FAM174B: variants seen among roughly 807,000 people sequenced by gnomAD.
The protein encoded by FAM174B is membrane protein FAM174B.
Under a neutral mutation model 10.9 loss-of-function variants are expected in FAM174B, and 12 were observed. The observed-to-expected ratio is 1.10, with a 90% CI of 0.71 to 1.79. FAM174B has a LOEUF of 1.79. FAM174B is among the 40% of genes most tolerant of loss of function. FAM174B has a pLI of 0.00. For missense variants in FAM174B, 266 were observed against 233.3 expected (o/e 1.14, Z -0.91); for synonymous variants, 132 against 115.8 (o/e 1.14, Z -0.90).
intron 1 of FAM174B, among the ~76,000 whole-genome samples, chr15:92,647,485 C>T (rs1387230437): frequency 6.6e-6 from 1 of 152,102 alleles, no homozygotes; most frequent in Admixed American, 6.5e-5. Flanking sequence ...GCCAAGAGGA[C>T]CCCAGAGAAA....
intron 1 of FAM174B, among the ~76,000 whole-genome samples, chr15:92,651,479 GAC>G (rs1402557000): frequency 1.3e-5 from 2 of 152,174 alleles, no homozygotes; most frequent in South Asian, 2.1e-4. Flanking sequence ...CACATGCACA[GAC>G]ACACAGATTT....
chr15:92,626,472 T>A (rs2050753923), intron 2 of FAM174B, among the ~76,000 whole-genome samples: 1 of 152,160 alleles, frequency 6.6e-6, no homozygotes, highest in Admixed American at 6.5e-5. Context: ...AAAAATAATA[T>A]TTTTTAAGAG....
intron 1 of FAM174B, among the ~76,000 whole-genome samples, chr15:92,648,607 C>T (rs2050944327): frequency 6.6e-6 from 1 of 152,152 alleles, no homozygotes; most frequent in Non-Finnish European, 1.5e-5. Flanking sequence ...CACCAAGCCT[C>T]CCCACTCTGG....
At chr15:92,646,151 C>G (rs1464402515) in intron 1 of FAM174B, among the ~76,000 whole-genome samples, 1 of 152,144 alleles carries the variant, frequency 6.6e-6, no homozygotes, top group Non-Finnish European at 1.5e-5. Context: ...ACATCCTGCA[C>G]CCCCCACACC....
intron 2 of FAM174B, among the ~76,000 whole-genome samples, chr15:92,629,256 C>T (rs570216843): frequency 4.5e-4 from 68 of 152,320 alleles, no homozygotes; most frequent in South Asian, 2.3e-3. Context: ...TTCGAGCCCT[C>T]GTCTCAAAAC....
intron 2 of FAM174B, among the ~76,000 whole-genome samples, chr15:92,622,843 G>A (rs1398620499): frequency 6.6e-6 from 1 of 152,202 alleles, no homozygotes; most frequent in Non-Finnish European, 1.5e-5. Flanking sequence ...CTCTGTGAGA[G>A]GGCTTGCCAG....
chr15:92,643,195 T>C (rs1290707521), intron 1 of FAM174B, among the ~76,000 whole-genome samples: 2 of 151,954 alleles, frequency 1.3e-5, no homozygotes, highest in Non-Finnish European at 2.9e-5. Flanking sequence ...TCCAAACTCC[T>C]GGCATCAAGC....
rs1405762404 is a variant in FAM174B at position 92,617,801 on chromosome 15, A to C, written c.*1655T>G. The C allele has an allele frequency of 1.9e-6, 1 of 521,554 alleles. No individual in the cohort carries two copies. Among genetic ancestry groups the C allele is most frequent in the Non-Finnish European group, 3.4e-6 (1 of 296,628 alleles). 32.3% of individuals were successfully genotyped at this position (521,554 alleles called of 1,614,324 possible). Reference sequence around the variant, plus strand: ...CCAGTCCCACCCCTCTGGCAAACAGATGGGGGAAAACAGAGAAGGAAAGTC... The same window carrying C: ...CCAGTCCCACCCCTCTGGCAAACAGCTGGGGGAAAACAGAGAAGGAAAGTC... On this transcript the variant is annotated 3_prime_UTR_variant, in exon 3 of 3. Coordinates refer to ENST00000327355, the MANE Select transcript of FAM174B (RefSeq NM_207446.3).
intron 1 of FAM174B, chr15:92,645,622 T>C (rs1262375568): frequency 1.3e-5 from 2 of 152,212 alleles, no homozygotes; most frequent in Non-Finnish European, 2.9e-5. Flanking sequence ...TGCTTTGTTT[T>C]TATATAAGGG....
intron 1 of FAM174B, among the ~76,000 whole-genome samples, chr15:92,644,850 C>G (rs895880646): frequency 6.6e-6 from 1 of 152,184 alleles, no homozygotes; most frequent in Non-Finnish European, 1.5e-5. Flanking sequence ...CCCGGCTGCC[C>G]CGGAACAGAG....
chr15:92,631,406 T>TA (rs2050814069), intron 1 of FAM174B, among the ~76,000 whole-genome samples: 2 of 40,038 alleles, frequency 5.0e-5, no homozygotes, highest in Admixed American at 4.3e-4. Flanking sequence ...TATATTATAT[T>TA]ATATATAATA....
chr15:92,620,267 G>A (rs1021378780), intron 2 of FAM174B, among the ~76,000 whole-genome samples: 1 of 152,222 alleles, frequency 6.6e-6, no homozygotes, highest in African/African-American at 2.4e-5. Context: ...GGGAGGCCGA[G>A]GCGGATGGAT....
In FAM174B at chr15:92,649,189, T is replaced by C. The variant is rs533419408; in HGVS notation, c.344+6127A>G. ...CATGGGCATGAAAGTCTATGGGTAA[T>C]GCCATATAAGTCAGGAGGCTCAGGC... is the stretch of plus-strand genomic sequence containing the variant. On this transcript the variant is annotated intron_variant, in intron 1 of 2. Coordinates refer to ENST00000327355, the MANE Select transcript of FAM174B (RefSeq NM_207446.3). 5.9e-5 allele frequency among the ~76,000 whole-genome samples: 9 copies of C among 152,352 alleles called. No individual in the cohort carries two copies. The East Asian group carries it at 1.2e-3, about 20-fold the overall frequency.
chr15:92,626,778 C>A (rs958806868), intron 2 of FAM174B, among the ~76,000 whole-genome samples: 1 of 152,214 alleles, frequency 6.6e-6, no homozygotes, highest in Middle Eastern at 3.4e-3. Context: ...GCTGGCCGGG[C>A]GCCATGGCTC....
intron 1 of FAM174B, 165 bp downstream of exon 1, chr15:92,655,151 C>T: frequency 1.0e-6 from 1 of 969,794 alleles, no homozygotes; most frequent in East Asian, 3.3e-5. Context: ...CAGACGAGCA[C>T]ACCCCGGCCC....
intron 2 of FAM174B, among the ~76,000 whole-genome samples, chr15:92,626,416 A>T (rs1051181011): frequency 5.1e-4 from 78 of 152,116 alleles, no homozygotes; most frequent in African/African-American, 1.6e-3. Context: ...ATTTTTTTTA[A>T]AAAAATCAGT....
At chr15:92,631,420 A>ATATATTATATATAATATATT (rs869166641) in intron 1 of FAM174B, among the ~76,000 whole-genome samples, 12 of 45,342 alleles carry the variant, frequency 2.6e-4, no homozygotes, top group Non-Finnish European at 3.8e-4. Flanking sequence ...TATAATATAT[A>ATATATTATATATAATATATT]ATATATAATA....
chr15:92,641,587 A>G lies in FAM174B; in HGVS notation c.345-11242T>C, dbSNP rs554666459. On this transcript the variant is annotated intron_variant, in intron 1 of 2. Transcript: ENST00000327355. ...TGTAAGAGATAGAAAAGATATCCAC[A>G]TGCAAAAGAATAAAGTTGGACTCCT... Among the ~76,000 whole-genome samples, 13 of 152,336 alleles carry G rather than the reference A, an allele frequency of 8.5e-5. No individual in the cohort carries two copies. In the South Asian group the frequency reaches 2.7e-3, roughly 32 times the overall value.
chr15:92,651,041 G>A (rs551348841), intron 1 of FAM174B, among the ~76,000 whole-genome samples: 13 of 152,324 alleles, frequency 8.5e-5, no homozygotes, highest in African/African-American at 3.1e-4. Context: ...GATTGATTAA[G>A]GAGAACATTT....
Sources: allele counts gnomAD v4.1 joint callset (sites outside exome capture counted in the v4.1 genomes callset), GRCh38; gene constraint gnomAD v4.1.1; transcripts MANE v1.5; gene names NCBI Gene and HGNC (gene_info 2026-07-23, HGNC 2026-07-21).